PCDHGA4: variants seen among roughly 807,000 people sequenced by gnomAD.
PCDHGA4 encodes the protein protocadherin gamma-A4.
PCDHGA4 carries 38 observed loss-of-function variants against 54.6 expected under a neutral mutation model. That is an observed-to-expected ratio of 0.70 (90% CI 0.54 to 0.91). The LOEUF (loss-of-function observed/expected upper bound fraction) is 0.91, where lower values mean the gene tolerates loss of function less well. Ranked by LOEUF, PCDHGA4 falls within the 40% of genes least tolerant of loss-of-function variation. The pLI, the probability that PCDHGA4 is intolerant of heterozygous loss-of-function variation, is 0.00. For synonymous variants in PCDHGA4, 511 were observed against 512.9 expected, an observed-to-expected ratio of 1.00 and a Z score of 0.05; for missense variants, 1,298 against 1,220.9, an observed-to-expected ratio of 1.06 and a Z score of -0.94.
At chr5:141,395,126 C>G (rs1416844764) in intron 1 of PCDHGA4, 1 of 1,614,078 alleles carries the variant, frequency 6.2e-7, no homozygotes, top group East Asian at 2.2e-5. Flanking sequence ...TGATCTTTCC[C>G]CAGCCCAACT....
chr5:141,381,909 A>AACCTCC (rs1182707286), intron 1 of PCDHGA4, among the ~76,000 whole-genome samples: 1 of 130,036 alleles, frequency 7.7e-6, no homozygotes, highest in East Asian at 2.2e-4. Context: ...GGCTCACCAC[A>AACCTCC]ACCTCCACCT....
chr5:141,405,124 G>A (rs1490821452), intron 1 of PCDHGA4: 2 of 1,614,020 alleles, frequency 1.2e-6, no homozygotes, highest in Admixed American at 3.3e-5. Context: ...CCTCGCATCT[G>A]CTGCGGGCTA....
intron 3 of PCDHGA4, among the ~76,000 whole-genome samples, chr5:141,509,880 T>C (rs1475661741): frequency 6.6e-6 from 1 of 152,184 alleles, no homozygotes; most frequent in African/African-American, 2.4e-5. Flanking sequence ...CTGGTGGTGA[T>C]GGTGACTGAC....
rs762418103 is a variant in PCDHGA4 at position 141,364,738 on chromosome 5, A to G, written c.2514+7117A>G. Reference sequence around the variant, plus strand: ...ATAACTTCCCGCGTTTCCGGGATGAAGAGTTAAAAGTAAAAGTTAATGAAA... The same window carrying G: ...ATAACTTCCCGCGTTTCCGGGATGAGGAGTTAAAAGTAAAAGTTAATGAAA... On this transcript the variant is annotated intron_variant, in intron 1 of 3. Transcript: ENST00000571252. The G allele has an allele frequency of 3.1e-6, 5 of 1,613,948 alleles. 1 individual carries two copies. In the South Asian group the frequency reaches 5.5e-5, roughly 18 times the overall value.
chr5:141,437,881 G>A (rs1317504695), intron 1 of PCDHGA4, among the ~76,000 whole-genome samples: 4 of 152,026 alleles, frequency 2.6e-5, no homozygotes, highest in Admixed American at 2.6e-4. Flanking sequence ...GGGACTACAG[G>A]CACACGCCAC....
At chr5:141,375,059 G>T in intron 1 of PCDHGA4, 3 of 1,614,038 alleles carry the variant, frequency 1.9e-6, no homozygotes, top group Non-Finnish European at 1.7e-6. Flanking sequence ...GGATGGGCCA[G>T]GTCTTCGAGA....
Position 141,376,444 on chromosome 5 carries a change from A to G in PCDHGA4, c.2514+18823A>G, listed in dbSNP as rs755915739. On this transcript the variant is annotated intron_variant, in intron 1 of 3. Coordinates refer to ENST00000571252, the MANE Select transcript of PCDHGA4 (RefSeq NM_018917.4). Reference sequence around the variant, plus strand: ...TTATCAACCAGGAGAGCTATGAGAAAAGCGAGCCTCTTCTGATAACTCAGG... The same window carrying G: ...TTATCAACCAGGAGAGCTATGAGAAGAGCGAGCCTCTTCTGATAACTCAGG... 3.1e-6 allele frequency: 5 copies of G among 1,614,096 alleles called. No homozygotes were observed. The East Asian group carries it at 8.9e-5, about 29-fold the overall frequency.
At chr5:141,424,762 A>T (rs1002777641) in intron 1 of PCDHGA4, 8 of 152,124 alleles carry the variant, frequency 5.3e-5, no homozygotes, top group African/African-American at 1.9e-4. Context: ...GGTCATTCTT[A>T]TGGCAAATAG....
In PCDHGA4 at chr5:141,432,976, C is replaced by A. The variant is rs373558125; in HGVS notation, c.2515-61831C>A. The stretch of plus-strand genomic sequence containing the variant: ...GCTTGACAGGAGCGCCGGCGTCGCA[C>A]TTTGTGGGCGTGGACGGGGTGCAGG... On this transcript the variant is annotated intron_variant, in intron 1 of 3. Coordinates refer to ENST00000571252, the MANE Select transcript of PCDHGA4 (RefSeq NM_018917.4). This position sits in a 1 kb window ranked among gnomAD's most constrained non-coding sequence, Gnocchi z 6.0. 1 of 1,614,210 alleles carries A rather than the reference C, an allele frequency of 6.2e-7. No individual in the cohort carries two copies.
Position 141,487,298 on chromosome 5 carries a change from G to T in PCDHGA4, c.2515-7509G>T. 6.2e-7 allele frequency: 1 copy of T among 1,614,072 alleles called. No individual in the cohort carries two copies. Among genetic ancestry groups the T allele is most frequent in the Non-Finnish European group, 8.5e-7 (1 of 1,180,018 alleles). ...TTGCTTTGTCTCCTTTGGCTCATTC[G>T]TGGCACTACTCTCTAAGTGTCTTCG... On this transcript the variant is annotated intron_variant, in intron 1 of 3. Coordinates refer to ENST00000571252, the MANE Select transcript of PCDHGA4 (RefSeq NM_018917.4). This position sits in a 1 kb window ranked among gnomAD's most constrained non-coding sequence, Gnocchi z 5.0.
chr5:141,474,170 T>G (rs535586079), intron 1 of PCDHGA4, among the ~76,000 whole-genome samples: 1 of 152,346 alleles, frequency 6.6e-6, no homozygotes, highest in South Asian at 2.1e-4. Flanking sequence ...GCCTTATTAT[T>G]GAGAAAACTA....
At position 141,431,823 on chromosome 5, in the gene PCDHGA4, CG is replaced by C. The variant is rs754257436; in HGVS notation, c.2515-62982del. ...GTGGTCCTCACCTCTCTCGCCAGCTCGGTTCCCGAAAACTCTCCCAGAGGGA... is the reference window on the plus strand; with the variant it reads ...GTGGTCCTCACCTCTCTCGCCAGCTCGTTCCCGAAAACTCTCCCAGAGGGA... On this transcript the variant is annotated intron_variant, in intron 1 of 3. Transcript: ENST00000571252. The surrounding 1 kb of genome is among the most constrained non-coding windows in gnomAD (Gnocchi z 4.8). 2.5e-6 allele frequency: 4 copies of C among 1,614,142 alleles called. No homozygotes were observed. In the East Asian group the frequency reaches 8.9e-5, roughly 36 times the overall value.
intron 1 of PCDHGA4, chr5:141,419,208 C>G: frequency 5.6e-6 from 9 of 1,613,966 alleles, no homozygotes; most frequent in Non-Finnish European, 6.8e-6. Flanking sequence ...GACAACGCGC[C>G]GGTTTTCGGA....
In PCDHGA4 at chr5:141,389,615, G is replaced by A. The variant is rs552257647; in HGVS notation, c.2514+31994G>A. 11 of 1,612,972 alleles carry A rather than the reference G, an allele frequency of 6.8e-6. No individual in the cohort carries two copies. The African/African-American group carries it at 8.0e-5, about 12-fold the overall frequency. On this transcript the variant is annotated intron_variant, in intron 1 of 3. Transcript: ENST00000571252. ...GCTCTGCGCTCTTCGATATGGTGCC[G>A]CACGCTGCAGAGCCTGGCTACTTGG...
chr5:141,433,408 A>ATCTATCTATCT (rs1413347413), intron 1 of PCDHGA4, among the ~76,000 whole-genome samples: 6 of 127,280 alleles, frequency 4.7e-5, no homozygotes, highest in African/African-American at 1.8e-4. Context: ...TCTATCTATT[A>ATCTATCTATCT]CTTTCTTGTA....
intron 1 of PCDHGA4, chr5:141,376,346 C>T (rs1772586691): frequency 2.5e-6 from 4 of 1,614,194 alleles, no homozygotes; most frequent in East Asian, 4.5e-5. Context: ...GACCTATTCC[C>T]ACGAGGTCTC....
At chr5:141,448,924 G>A (rs1244728418) in intron 1 of PCDHGA4, among the ~76,000 whole-genome samples, 1 of 152,116 alleles carries the variant, frequency 6.6e-6, no homozygotes, top group East Asian at 1.9e-4. Flanking sequence ...CAGCCTGGGC[G>A]ACAGAGCAAG....
intron 1 of PCDHGA4, chr5:141,398,208 G>C (rs898628305): frequency 1.3e-6 from 2 of 1,486,802 alleles, no homozygotes; most frequent in Non-Finnish European, 9.0e-7. Context: ...TGTTCTGCCC[G>C]GCGCTCTGTG....
rs1460903356 is a variant in PCDHGA4 at position 141,355,124 on chromosome 5, A to G, written c.17A>G (p.Asp6Gly). Residue 6 changes from aspartate to glycine, a missense_variant, in exon 1 of 4, where the codon GAC (aspartate) becomes GGC (glycine). Transcript: ENST00000571252. MHFIL[D>G]PEDPGAPQAS... is the part of the protein sequence containing the mutation. The stretch of plus-strand genomic sequence containing the variant: ...TGGCTGTGAATGCACTTTATTTTGG[A>G]CCCAGAAGATCCTGGGGCTCCTCAG... 1 of 1,516,442 alleles carries G rather than the reference A, an allele frequency of 6.6e-7. No homozygotes were observed. Among genetic ancestry groups the G allele is most frequent in the East Asian group, 2.3e-5 (1 of 44,060 alleles). 93.9% of individuals were successfully genotyped at this position (1,516,442 alleles called of 1,614,324 possible).
Sources: allele counts gnomAD v4.1 joint callset (sites outside exome capture counted in the v4.1 genomes callset), GRCh38; gene constraint gnomAD v4.1.1; non-coding constraint Gnocchi (gnomAD v3.1); transcripts MANE v1.5; gene names NCBI Gene and HGNC (gene_info 2026-07-23, HGNC 2026-07-21).